ASIC2: variants seen among roughly 807,000 people sequenced by gnomAD.
The protein encoded by ASIC2 is acid sensing ion channel subunit 2.
A neutral mutation model predicts 57.3 loss-of-function variants in ASIC2; 25 were observed. The ratio of observed to expected loss-of-function variants is 0.44; its 90% CI spans 0.32 to 0.61. ASIC2 has a LOEUF of 0.61. Ranked by LOEUF, ASIC2 falls within the 20% of genes least tolerant of loss-of-function variation. ASIC2 has a pLI of 0.06. For synonymous variants in ASIC2, 319 were observed against 307.5 expected (o/e 1.04, Z -0.39); for missense variants, 641 against 738.1 (o/e 0.87, Z 1.52).
At chr17:33,701,396 A>T (rs1321164009) in intron 1 of ASIC2, among the ~76,000 whole-genome samples, 1 of 152,244 alleles carries the variant, frequency 6.6e-6, no homozygotes, top group Non-Finnish European at 1.5e-5. Context: ...ATCAGTAAAT[A>T]AATAGCTTGC....
In ASIC2 at chr17:33,661,749, G is replaced by T. The variant is rs376910368; in HGVS notation, c.555+494229C>A. Among the ~76,000 whole-genome samples the T allele has an allele frequency of 1.1e-4, 17 of 152,312 alleles. No individual in the cohort carries two copies. In the East Asian group the frequency reaches 2.5e-3, roughly 22 times the overall value. ...TGCTGTTTGATTGATTTTCCATGTG[G>T]CATAAAGTCCTGGAGATATTCTGAA... is the stretch of plus-strand genomic sequence containing the variant. On this transcript the variant is annotated intron_variant, in intron 1 of 9. Coordinates refer to the ASIC2 transcript ENST00000359872.
At chr17:33,728,218 C>T (rs1044965482) in intron 1 of ASIC2, among the ~76,000 whole-genome samples, 3 of 152,134 alleles carry the variant, frequency 2.0e-5, no homozygotes, top group Admixed American at 6.5e-5. Flanking sequence ...GACCCAAGTC[C>T]CTGTAAGTTC....
At chr17:33,291,057 T>A (rs1229551778) in intron 1 of ASIC2, 1 of 288,178 alleles carries the variant, frequency 3.5e-6, no homozygotes, top group East Asian at 6.0e-5. Context: ...CAGAGCAGTT[T>A]CTTGGAGTCC....
At chr17:33,756,344 G>A (rs1244921689) in intron 1 of ASIC2, among the ~76,000 whole-genome samples, 1 of 152,196 alleles carries the variant, frequency 6.6e-6, no homozygotes, top group East Asian at 1.9e-4. Flanking sequence ...TGTCTTTATG[G>A]AATTATCTAT....
intron 1 of ASIC2, among the ~76,000 whole-genome samples, chr17:33,482,889 C>G (rs1231578359): frequency 1.3e-5 from 2 of 152,240 alleles, no homozygotes; most frequent in Non-Finnish European, 2.9e-5. Flanking sequence ...CACACCGCAA[C>G]AAAATCTCCT....
At chr17:33,674,463 A>G (rs1907747567) in intron 1 of ASIC2, among the ~76,000 whole-genome samples, 1 of 152,254 alleles carries the variant, frequency 6.6e-6, no homozygotes, top group African/African-American at 2.4e-5. Context: ...TAACTGAAAT[A>G]CTGTGCAAAT....
rs551482210 is a variant in ASIC2 at position 34,068,720 on chromosome 17, T to C, written c.555+87258A>G. 7.2e-5 allele frequency among the ~76,000 whole-genome samples: 11 copies of C among 152,298 alleles called. No homozygotes were observed. The South Asian group carries it at 2.3e-3, about 32-fold the overall frequency. On this transcript the variant is annotated intron_variant, in intron 1 of 9. Coordinates refer to the ASIC2 transcript ENST00000359872. ...TCATTGTTTCCTGACAGCAGACCTT[T>C]AGCGTTTCAAAATTAAAGACAATGC...
chr17:33,139,968 G>A (rs570157835), intron 1 of ASIC2, among the ~76,000 whole-genome samples: 14 of 152,326 alleles, frequency 9.2e-5, no homozygotes, highest in African/African-American at 3.4e-4. Context: ...GGTTGTACAT[G>A]GATTCGTAAA....
intron 1 of ASIC2, among the ~76,000 whole-genome samples, chr17:33,211,263 G>A (rs1298633557): frequency 6.6e-6 from 1 of 152,126 alleles, no homozygotes; most frequent in African/African-American, 2.4e-5. Flanking sequence ...ATTGGACCCA[G>A]CTTGCATAAG....
At chr17:33,339,577 G>T (rs1397853557) in intron 1 of ASIC2, among the ~76,000 whole-genome samples, 1 of 152,176 alleles carries the variant, frequency 6.6e-6, no homozygotes, top group Non-Finnish European at 1.5e-5. Context: ...GACTAGATTG[G>T]AGAAAGGAGT....
intron 4 of ASIC2, among the ~76,000 whole-genome samples, chr17:33,026,704 G>C (rs879361484): frequency 4.6e-5 from 7 of 152,232 alleles, no homozygotes; most frequent in Non-Finnish European, 8.8e-5. Flanking sequence ...GGCCTAGTCT[G>C]AGCATCAGGT....
intron 1 of ASIC2, among the ~76,000 whole-genome samples, chr17:33,888,452 C>A (rs1323059492): frequency 6.6e-6 from 1 of 152,116 alleles, no homozygotes; most frequent in Non-Finnish European, 1.5e-5. Context: ...ACCTCCTAAC[C>A]CTAACCTTCC....
At chr17:33,033,476 G>A (rs115545827) in intron 3 of ASIC2, among the ~76,000 whole-genome samples, 1 of 152,176 alleles carries the variant, frequency 6.6e-6, no homozygotes, top group African/African-American at 2.4e-5. Flanking sequence ...GAGCTCCCAG[G>A]TACAGCTGCA....
At chr17:33,903,547 A>G (rs1915275432) in intron 1 of ASIC2, among the ~76,000 whole-genome samples, 1 of 152,234 alleles carries the variant, frequency 6.6e-6, no homozygotes, top group Non-Finnish European at 1.5e-5. Flanking sequence ...AATGTATTCA[A>G]ATTTCAAATT....
chr17:33,775,064 A>G (rs73984606), intron 1 of ASIC2, among the ~76,000 whole-genome samples: 12,283 of 152,276 alleles, frequency 0.081, 570 homozygotes, highest in East Asian at 0.22. Flanking sequence ...GAGTGACCTG[A>G]GCATACTGTG....
intron 3 of ASIC2, among the ~76,000 whole-genome samples, chr17:33,073,499 AG>A (rs1327643770): frequency 6.6e-6 from 1 of 152,214 alleles, no homozygotes; most frequent in African/African-American, 2.4e-5. Context: ...AGATGGGCAC[AG>A]GGAAGCCTAT....
chr17:33,404,770 T>A (rs1401669123), intron 1 of ASIC2, among the ~76,000 whole-genome samples: 2 of 152,254 alleles, frequency 1.3e-5, no homozygotes, highest in African/African-American at 4.8e-5. Flanking sequence ...GTCACTATAT[T>A]ATTGTTTCAG....
intron 1 of ASIC2, among the ~76,000 whole-genome samples, chr17:33,276,200 A>G (rs530930400): frequency 1.3e-5 from 2 of 151,356 alleles, no homozygotes; most frequent in East Asian, 3.9e-4. Flanking sequence ...GCATTAGTAA[A>G]TGAAGCTGTC....
In ASIC2 at chr17:33,291,706, T is replaced by A. The variant is rs1905461262; in HGVS notation, c.410A>T (p.Asn137Ile). ...GCGCGGGAAGCGCAGCGGGTTGTTG[T>A]TGCACACAGTGACGGCGGGGAAGGG... ...QLPFPAVTVCNNNPLRFPRLS... is the reference protein window; with the variant it reads ...QLPFPAVTVCINNPLRFPRLS... The change falls in exon 1 of 10, where the codon AAC becomes ATC. Residue 137 changes from asparagine (N) to isoleucine (I), a missense_variant. By Grantham distance (149) the Asn-to-Ile change is moderately radical. This residue lies in a region of ASIC2 where 382 missense variants were observed against 398.0 expected (regional missense o/e 0.96). Coordinates refer to ENST00000225823, the MANE Select transcript of ASIC2 (RefSeq NM_183377.2). 6.2e-7 allele frequency: 1 copy of A among 1,613,500 alleles called. No individual in the cohort carries two copies.
Sources: allele counts gnomAD v4.1 joint callset (sites outside exome capture counted in the v4.1 genomes callset), GRCh38; gene constraint gnomAD v4.1.1; regional missense constraint gnomAD v4.1.1; transcripts MANE v1.5; gene names NCBI Gene and HGNC (gene_info 2026-07-23, HGNC 2026-07-21).